Variants in CYB5R4 observed in about 807,000 individuals in gnomAD.
The protein encoded by CYB5R4 is cytochrome b5 reductase 4, also known as N-terminal cytochrome b5 and cytochrome b5 oxidoreductase domain-containing protein.
CYB5R4 carries 55 observed loss-of-function variants against 70.2 expected under a neutral mutation model. The ratio of observed to expected loss-of-function variants is 0.78; its 90% CI spans 0.63 to 0.98. The LOEUF is 0.98. Among genes scored for constraint, CYB5R4 ranks in the 50% least tolerant of loss-of-function variants. The probability of loss-of-function intolerance (pLI) is 0.00; values close to 1 mark genes in which losing one functional copy is unlikely to be tolerated. For missense variants in CYB5R4, 562 were observed against 612.6 expected (o/e 0.92, Z 0.87); for synonymous variants, 197 against 199.5 (o/e 0.99, Z 0.11).
intron 2 of CYB5R4, among the ~76,000 whole-genome samples, chr6:83,866,423 C>G (rs188826411): frequency 2.6e-5 from 4 of 151,956 alleles, no homozygotes; most frequent in East Asian, 1.9e-4. Flanking sequence ...ATCCAAAGAC[C>G]GGAAATTTAA....
chr6:83,953,476 A>G (rs1446292347), intron 14 of CYB5R4, among the ~76,000 whole-genome samples: 1 of 151,964 alleles, frequency 6.6e-6, no homozygotes, highest in Non-Finnish European at 1.5e-5. Context: ...TAGAAAAAAA[A>G]CAAAAAACAA....
intron 2 of CYB5R4, among the ~76,000 whole-genome samples, chr6:83,891,266 C>T (rs1310228917): frequency 6.6e-6 from 1 of 152,188 alleles, no homozygotes; most frequent in Non-Finnish European, 1.5e-5. Context: ...CTTTCATATG[C>T]ACTGGGAAAC....
intron 1 of CYB5R4, 61 bp from the exon 2 acceptor site, chr6:83,864,114 C>A (rs1023822694): frequency 7.0e-7 from 1 of 1,420,074 alleles, no homozygotes; most frequent in Admixed American, 2.6e-5. Flanking sequence ...GTTTTATTAT[C>A]TTTTAAAATG....
At chr6:83,871,068 C>G (rs1176538471) in intron 2 of CYB5R4, among the ~76,000 whole-genome samples, 1 of 150,948 alleles carries the variant, frequency 6.6e-6, no homozygotes, top group East Asian at 1.9e-4. Flanking sequence ...CCTCCGTCTC[C>G]CGGGTTCAAG....
At chr6:83,958,997 A>G (rs1344031509) in intron 15 of CYB5R4, among the ~76,000 whole-genome samples, 2 of 152,184 alleles carry the variant, frequency 1.3e-5, no homozygotes, top group Non-Finnish European at 2.9e-5. Flanking sequence ...ATAGAATCGT[A>G]GGGGAATCAA....
intron 2 of CYB5R4, among the ~76,000 whole-genome samples, chr6:83,886,313 A>G (rs1042133555): frequency 1.3e-5 from 2 of 152,216 alleles, no homozygotes; most frequent in Admixed American, 1.3e-4. Context: ...GTACTGCCAC[A>G]TTGGGGATTA....
intron 2 of CYB5R4, among the ~76,000 whole-genome samples, chr6:83,876,128 A>G (rs1371390739): frequency 6.6e-6 from 1 of 152,182 alleles, no homozygotes; most frequent in Admixed American, 6.5e-5. Flanking sequence ...CCTTAATAAG[A>G]AACTTCGTTA....
intron 15 of CYB5R4, 65 bp from the exon 16 acceptor site, chr6:83,959,759 T>A: frequency 7.3e-7 from 1 of 1,363,498 alleles, no homozygotes; most frequent in Non-Finnish European, 1.0e-6. Context: ...GGTGGTAAAC[T>A]GCTCTTATTT....
At chr6:83,926,713 C>T (rs1489630711) in intron 10 of CYB5R4, among the ~76,000 whole-genome samples, 1 of 152,064 alleles carries the variant, frequency 6.6e-6, no homozygotes, top group Non-Finnish European at 1.5e-5. Context: ...TCCAAAGACC[C>T]CTTGTTTACC....
At chr6:83,954,911 T>C (rs2099472098) in intron 14 of CYB5R4, among the ~76,000 whole-genome samples, 1 of 142,698 alleles carries the variant, frequency 7.0e-6, no homozygotes, top group Admixed American at 6.8e-5. Flanking sequence ...GTTGTTGTTT[T>C]TGGGTTTTTT....
At chr6:83,888,441 C>A (rs1443922559) in intron 2 of CYB5R4, among the ~76,000 whole-genome samples, 2 of 152,128 alleles carry the variant, frequency 1.3e-5, no homozygotes, top group Non-Finnish European at 2.9e-5. Context: ...GTCTCTGTGT[C>A]ACATTTTGAT....
chr6:83,886,813 A>T (rs1205032497), intron 2 of CYB5R4, among the ~76,000 whole-genome samples: 1 of 152,196 alleles, frequency 6.6e-6, no homozygotes, highest in Non-Finnish European at 1.5e-5. Context: ...AAATTAGATA[A>T]TGAGACCACT....
intron 2 of CYB5R4, among the ~76,000 whole-genome samples, chr6:83,872,581 T>C (rs1372974503): frequency 6.6e-6 from 1 of 152,216 alleles, no homozygotes; most frequent in Non-Finnish European, 1.5e-5. Context: ...GCTTTCACAT[T>C]ATCTTTTGGT....
chr6:83,912,057 A>C (rs2099464780), intron 4 of CYB5R4, among the ~76,000 whole-genome samples: 1 of 87,820 alleles, frequency 1.1e-5, no homozygotes, highest in African/African-American at 8.8e-5. Context: ...GCCTTGTCTC[A>C]AAAAAAAAAA....
At chr6:83,908,510 A>C (rs1278614418) in intron 3 of CYB5R4, among the ~76,000 whole-genome samples, 1 of 152,222 alleles carries the variant, frequency 6.6e-6, no homozygotes, top group Non-Finnish European at 1.5e-5. Context: ...CCCAAGGGTC[A>C]AAATTTAATT....
chr6:83,876,183 A>C (rs996750500), intron 2 of CYB5R4, among the ~76,000 whole-genome samples: 1 of 152,210 alleles, frequency 6.6e-6, no homozygotes, highest in African/African-American at 2.4e-5. Context: ...TATCAATTCA[A>C]ATGTGAGCAA....
intron 2 of CYB5R4, among the ~76,000 whole-genome samples, chr6:83,866,583 G>A (rs575235282): frequency 1.2e-4 from 18 of 151,458 alleles, no homozygotes; most frequent in South Asian, 4.2e-4. Flanking sequence ...ATAGCACCTC[G>A]TCTGGTAAGG....
intron 3 of CYB5R4, among the ~76,000 whole-genome samples, chr6:83,903,227 G>A (rs1588570618): frequency 6.6e-6 from 1 of 151,940 alleles, no homozygotes; most frequent in Non-Finnish European, 1.5e-5. Flanking sequence ...TTTTTATTAT[G>A]TAAGAATGTT....
At chr6:83,881,114 T>C (rs1402624714) in intron 2 of CYB5R4, among the ~76,000 whole-genome samples, 4 of 152,204 alleles carry the variant, frequency 2.6e-5, no homozygotes, top group Non-Finnish European at 5.9e-5. Context: ...GGGTTGTTCC[T>C]TGGTTATGTG....
Sources: allele counts gnomAD v4.1 joint callset (sites outside exome capture counted in the v4.1 genomes callset), GRCh38; gene constraint gnomAD v4.1.1; transcripts MANE v1.5; gene names NCBI Gene and HGNC (gene_info 2026-07-23, HGNC 2026-07-21).